Variants in CLEC4C observed in about 807,000 individuals in gnomAD.
CLEC4C encodes the protein C-type lectin domain family 4 member C.
CLEC4C carries 17 observed loss-of-function variants against 27.7 expected under a neutral mutation model. That is an observed-to-expected ratio of 0.61 (90% CI 0.42 to 0.92). CLEC4C has a LOEUF of 0.92. CLEC4C is among the 40% of genes least tolerant of loss of function. The pLI, the probability that CLEC4C is intolerant of heterozygous loss-of-function variation, is 0.00. For missense variants in CLEC4C, 244 were observed against 257.3 expected, an observed-to-expected ratio of 0.95 and a Z score of 0.35; for synonymous variants, 80 against 80.8, an observed-to-expected ratio of 0.99 and a Z score of 0.06.
At chr12:7,736,437 TA>T (rs2078232600) in intron 4 of CLEC4C, among the ~76,000 whole-genome samples, 1 of 152,212 alleles carries the variant, frequency 6.6e-6, no homozygotes, top group South Asian at 2.1e-4. Flanking sequence ...TATGAAGGAC[TA>T]ATGTTTAATT....
rs144962400 is a variant in CLEC4C at position 7,736,600 on chromosome 12, G to A, written c.381+829C>T. Among the ~76,000 whole-genome samples the A allele has an allele frequency of 4.7e-3, 710 of 151,864 alleles. 4 individuals carry two copies. The highest frequency in any genetic ancestry group is 0.016 in the African/African-American group (668 of 41,420). On this transcript the variant is annotated intron_variant, in intron 4 of 5. Transcript: ENST00000360345. ...TCAATGTTTGCCTGAAGTTTGCTCC[G>A]GAATTTGTTTTATTAAAGTTATTGT...
chr12:7,745,334 A>AC (rs1864947639), intron 2 of CLEC4C, among the ~76,000 whole-genome samples: 1 of 149,732 alleles, frequency 6.7e-6, no homozygotes, highest in Non-Finnish European at 1.5e-5. Flanking sequence ...ACCTCACCAT[A>AC]CCCAACCATC....
intron 4 of CLEC4C, 92 bp downstream of exon 4, chr12:7,737,337 T>TC (rs1481238856): frequency 4.9e-6 from 5 of 1,024,408 alleles, no homozygotes; most frequent in South Asian, 3.3e-5. Flanking sequence ...TTTTTTTTTT[T>TC]CCTGTCTTTG....
At chr12:7,732,514 GC>G (rs933458036) in intron 4 of CLEC4C, among the ~76,000 whole-genome samples, 1 of 148,828 alleles carries the variant, frequency 6.7e-6, no homozygotes, top group Non-Finnish European at 1.5e-5. Context: ...ACCATGCCCA[GC>G]TAATTTTTTT....
At chr12:7,735,914 T>A (rs1040980713) in intron 4 of CLEC4C, among the ~76,000 whole-genome samples, 4 of 152,146 alleles carry the variant, frequency 2.6e-5, no homozygotes, top group Non-Finnish European at 5.9e-5. Flanking sequence ...AATTCTAGAT[T>A]TGAAAAATAC....
intron 2 of CLEC4C, among the ~76,000 whole-genome samples, chr12:7,744,059 T>C (rs7314869): frequency 0.23 from 34,564 of 152,014 alleles, 4,650 homozygotes; most frequent in East Asian, 0.37. Context: ...AGAACTCACT[T>C]ATTCCTTCGA....
At chr12:7,737,240 T>A (rs755074204) in intron 4 of CLEC4C, among the ~76,000 whole-genome samples, 189 bp downstream of exon 4, 111 of 151,422 alleles carry the variant, frequency 7.3e-4, no homozygotes, top group African/African-American at 2.6e-3. Flanking sequence ...CCAAAAAAAA[T>A]AAAAATAAAA....
chr12:7,747,627 ATTGTC>A (rs1865013209), upstream of CLEC4C: 5 of 143,230 alleles, frequency 3.5e-5, no homozygotes, highest in East Asian at 2.1e-4. Context: ...TGCAGGTCTG[ATTGTC>A]TTTTTTTTTT....
intron 3 of CLEC4C, among the ~76,000 whole-genome samples, chr12:7,740,529 G>A (rs772121245): frequency 8.6e-5 from 13 of 151,682 alleles, no homozygotes; most frequent in Admixed American, 3.3e-4. Flanking sequence ...GTGAAACCCC[G>A]TCTCTACTAA....
intron 3 of CLEC4C, among the ~76,000 whole-genome samples, chr12:7,738,754 A>G (rs9300242): frequency 0.45 from 68,595 of 152,068 alleles, 15,841 homozygotes; most frequent in African/African-American, 0.53. Flanking sequence ...CACTGGCCTC[A>G]GCTGCCCTGA....
intron 2 of CLEC4C, among the ~76,000 whole-genome samples, chr12:7,745,155 G>A (rs1864941638): frequency 6.6e-6 from 1 of 152,080 alleles, no homozygotes; most frequent in Non-Finnish European, 1.5e-5. Flanking sequence ...CCAATTTGTG[G>A]TATTTGAAGA....
At chr12:7,731,302 A>G (rs1040009818) in intron 4 of CLEC4C, among the ~76,000 whole-genome samples, 1 of 152,142 alleles carries the variant, frequency 6.6e-6, no homozygotes, top group Admixed American at 6.6e-5. Flanking sequence ...CCTCCCAGAT[A>G]AGCACAACAA....
At chr12:7,730,735 TG>T (rs1565458593) in intron 5 of CLEC4C, 61 bp downstream of exon 5, 1 of 804,406 alleles carries the variant, frequency 1.2e-6, no homozygotes, top group Admixed American at 2.2e-5. Context: ...TAATAGCTGA[TG>T]GAACACCCTA....
At chr12:7,739,532 G>A (rs770733918) in intron 3 of CLEC4C, among the ~76,000 whole-genome samples, 6 of 152,204 alleles carry the variant, frequency 3.9e-5, no homozygotes, top group Non-Finnish European at 5.9e-5. Context: ...TGCATACGAC[G>A]CTGTAGGCAG....
rs1291377184 is a variant in CLEC4C at position 7,737,574 on chromosome 12, T to C, written c.236A>G (p.Asp79Gly). Residue 79 changes from aspartate to glycine, a missense_variant and splice_region_variant, in exon 4 of 6, where the codon GAT becomes GGT. Physicochemically the swap from Asp to Gly is moderately conservative, Grantham distance 94. Transcript: ENST00000360345. ...TCVMEGKDIE[D>G]WSCCPTPWTS... is the part of the protein sequence containing the mutation. ...CCAAGGGGTTGGGCAGCAGCTCCAATCTTCCCAAATGAGTATAGAAGAAGA... is the reference window on the plus strand; with the variant it reads ...CCAAGGGGTTGGGCAGCAGCTCCAACCTTCCCAAATGAGTATAGAAGAAGA... The C allele has an allele frequency of 6.2e-7, 1 of 1,612,878 alleles. No individual in the cohort carries two copies. The highest frequency in any genetic ancestry group is 1.3e-5 in the African/African-American group (1 of 75,012).
chr12:7,747,253 A>G (rs928160921), intron 1 of CLEC4C, 65 bp downstream of exon 1: 12 of 1,423,066 alleles, frequency 8.4e-6, no homozygotes, highest in Middle Eastern at 1.8e-4. Context: ...TATCACCTCA[A>G]TGCCTGTTTC....
chr12:7,729,810 G>T, intron 5 of CLEC4C, 70 bp from the exon 6 acceptor site: 1 of 1,451,018 alleles, frequency 6.9e-7, no homozygotes. Context: ...CTGGGAGAGG[G>T]CTAGGGTTAA....
chr12:7,741,217 C>T (rs11055545), intron 3 of CLEC4C, among the ~76,000 whole-genome samples: 34,068 of 152,130 alleles, frequency 0.22, 4,431 homozygotes, highest in Admixed American at 0.32. Flanking sequence ...CCACCCACCT[C>T]GGCCTCCCAA....
intron 2 of CLEC4C, among the ~76,000 whole-genome samples, chr12:7,744,717 C>T (rs1026651604): frequency 7.5e-4 from 114 of 152,064 alleles, no homozygotes; most frequent in African/African-American, 2.6e-3. Context: ...TGGGCTCAAG[C>T]GATCCTCCTG....
Sources: allele counts gnomAD v4.1 joint callset (sites outside exome capture counted in the v4.1 genomes callset), GRCh38; gene constraint gnomAD v4.1.1; transcripts MANE v1.5; gene names NCBI Gene and HGNC (gene_info 2026-07-23, HGNC 2026-07-21).